UBAC2: variants seen among roughly 807,000 people sequenced by gnomAD.
The protein encoded by UBAC2 is ubiquitin-associated domain-containing protein 2.
A neutral mutation model predicts 44.0 loss-of-function variants in UBAC2; 26 were observed. That is an observed-to-expected ratio of 0.59 (90% CI 0.43 to 0.82). UBAC2 has a LOEUF of 0.82. Ranked by LOEUF, UBAC2 falls within the 40% of genes least tolerant of loss-of-function variation. UBAC2 has a pLI of 0.00. For missense variants in UBAC2, 329 were observed against 419.4 expected, an observed-to-expected ratio of 0.78 and a Z score of 1.88; for synonymous variants, 155 against 154.3, an observed-to-expected ratio of 1.00 and a Z score of -0.04.
chr13:99,381,495 G>A (rs531775847), intron 8 of UBAC2, among the ~76,000 whole-genome samples: 10 of 152,294 alleles, frequency 6.6e-5, no homozygotes, highest in African/African-American at 2.4e-4. Flanking sequence ...TTTCCAAGCC[G>A]TTTAAATAAA....
chr13:99,254,627 TGTGTC>T lies in UBAC2; in HGVS notation c.389+10005_389+10009del, dbSNP rs1315839378. On this transcript the variant is annotated intron_variant, in intron 4 of 8. Coordinates refer to ENST00000403766, the MANE Select transcript of UBAC2 (RefSeq NM_001144072.2). ...CCCCTACTGACTTGATTAACACACA[TGTGTC>T]GCTTGCACATAGAAATGCAAAAAGT... The T allele has an allele frequency of 1.1e-5, 4 of 365,132 alleles. No individual in the cohort carries two copies. The Admixed American group carries it at 1.3e-4, about 12-fold the overall frequency. The allele number at this position is 365,132 out of a possible 1,614,324, so 22.6% of individuals were successfully genotyped here. A position where few individuals can be genotyped will look rare whatever the true frequency, so the allele number is the denominator to read the frequency against.
In UBAC2 at chr13:99,355,919, C is replaced by T. The variant is rs73570130; in HGVS notation, c.808-11868C>T. ...GAGTCCCTTCCCTGCACCTCCAGGG[C>T]CTCCCCAGATGGAACTGGCTGGGAG... is the stretch of plus-strand genomic sequence containing the variant. On this transcript the variant is annotated intron_variant, in intron 7 of 8. Coordinates refer to ENST00000403766, the MANE Select transcript of UBAC2 (RefSeq NM_001144072.2). Among the ~76,000 whole-genome samples, 1,517 of 152,352 alleles carry T rather than the reference C, an allele frequency of 1.0e-2. 28 individuals carry two copies. Among genetic ancestry groups the T allele is most frequent in the African/African-American group, 0.035 (1,472 of 41,576 alleles).
chr13:99,306,405 G>C (rs1029363925), intron 4 of UBAC2, among the ~76,000 whole-genome samples: 7 of 145,478 alleles, frequency 4.8e-5, no homozygotes, highest in African/African-American at 1.1e-4. Context: ...ACTTGTGTGT[G>C]GGGGGGCCAC....
chr13:99,235,697 G>A (rs548302774), intron 1 of UBAC2, among the ~76,000 whole-genome samples: 4 of 152,258 alleles, frequency 2.6e-5, no homozygotes, highest in Admixed American at 1.3e-4. Flanking sequence ...TGCTGGGGCC[G>A]GGTGCAGTGG....
intron 1 of UBAC2, among the ~76,000 whole-genome samples, chr13:99,212,413 A>C (rs1180257403): frequency 6.6e-6 from 1 of 152,190 alleles, no homozygotes; most frequent in Non-Finnish European, 1.5e-5. Context: ...TCTAAGTTAC[A>C]TTGCCATTGT....
At chr13:99,311,847 C>T (rs2044414865) in intron 4 of UBAC2, among the ~76,000 whole-genome samples, 1 of 152,230 alleles carries the variant, frequency 6.6e-6, no homozygotes, top group African/African-American at 2.4e-5. Context: ...GGTGCTCAGC[C>T]TGGGAAGAAG....
At position 99,340,416 on chromosome 13, in the gene UBAC2, C is replaced by A. The variant is rs780511373; in HGVS notation, c.658C>A (p.Pro220Thr). The change falls in exon 7 of 9, where the codon CCC becomes ACC. Residue 220 changes from proline (P) to threonine (T), a missense_variant. By Grantham distance (38) the Pro-to-Thr change is conservative (BLOSUM62 -1). Transcript: ENST00000403766. ...MAKFFSWTLE[P>T]IFSSSEPTSE... ...AAAATTCTTTTCTTGGACACTTGAA[C>A]CCATCTTCTCTTCTTCAGAACCCAC... is the stretch of plus-strand genomic sequence containing the variant. 1.2e-6 allele frequency: 2 copies of A among 1,614,184 alleles called. No individual in the cohort carries two copies. The highest frequency in any genetic ancestry group is 2.2e-5 in the South Asian group (2 of 91,086).
chr13:99,223,540 C>CTTTTTTTTTT (rs1217614346), intron 1 of UBAC2, among the ~76,000 whole-genome samples: 1 of 34,916 alleles, frequency 2.9e-5, no homozygotes, highest in Admixed American at 3.1e-4. Flanking sequence ...TTCTCTTTTT[C>CTTTTTTTTTT]TGTTTTTTTT....
At chr13:99,302,983 T>C (rs150223201) in intron 4 of UBAC2, among the ~76,000 whole-genome samples, 1 of 144,276 alleles carries the variant, frequency 6.9e-6, no homozygotes, top group Non-Finnish European at 1.5e-5. Flanking sequence ...TAGAGTTGAC[T>C]GTGGTCCGTC....
At chr13:99,303,320 T>C (rs1046407224) in intron 4 of UBAC2, among the ~76,000 whole-genome samples, 1 of 152,254 alleles carries the variant, frequency 6.6e-6, no homozygotes, top group South Asian at 2.1e-4. Context: ...TTCGGCTTCA[T>C]AGACGCGCTC....
intron 4 of UBAC2, among the ~76,000 whole-genome samples, chr13:99,279,882 C>A (rs2043930487): frequency 6.6e-6 from 1 of 152,182 alleles, no homozygotes; most frequent in African/African-American, 2.4e-5. Flanking sequence ...GAGCATCACA[C>A]TGGGGGTTAG....
chr13:99,334,802 A>C (rs1365814932), intron 6 of UBAC2, among the ~76,000 whole-genome samples: 1 of 152,242 alleles, frequency 6.6e-6, no homozygotes, highest in Non-Finnish European at 1.5e-5. Context: ...AGTATGAATA[A>C]TAGCTAAACA....
At chr13:99,380,227 T>C (rs2045533323) in intron 8 of UBAC2, among the ~76,000 whole-genome samples, 1 of 152,236 alleles carries the variant, frequency 6.6e-6, no homozygotes, top group Non-Finnish European at 1.5e-5. Context: ...AGATTAGGAA[T>C]GCTTAACGTG....
intron 4 of UBAC2, among the ~76,000 whole-genome samples, chr13:99,281,537 C>T (rs1038678028): frequency 6.6e-6 from 1 of 152,160 alleles, no homozygotes; most frequent in Non-Finnish European, 1.5e-5. Context: ...GCCACTTTCT[C>T]TCCTTAGAAC....
chr13:99,252,085 C>T (rs569548110), intron 4 of UBAC2, among the ~76,000 whole-genome samples: 3 of 152,342 alleles, frequency 2.0e-5, no homozygotes, highest in Non-Finnish European at 2.9e-5. Context: ...CAGAGTCCTC[C>T]TCATCTGACC....
intron 1 of UBAC2, among the ~76,000 whole-genome samples, chr13:99,203,381 T>C (rs901765237): frequency 1.3e-5 from 2 of 152,146 alleles, no homozygotes; most frequent in Non-Finnish European, 2.9e-5. Context: ...AAAATTCTGA[T>C]CCTGAGCAAG....
chr13:99,293,570 G>T (rs1318784555), intron 4 of UBAC2, among the ~76,000 whole-genome samples: 2 of 152,204 alleles, frequency 1.3e-5, no homozygotes. Context: ...TAGAGGTGGA[G>T]TGAAGGAAAG....
At chr13:99,242,468 A>C (rs1244570196) in intron 2 of UBAC2, among the ~76,000 whole-genome samples, 2 of 92,192 alleles carry the variant, frequency 2.2e-5, no homozygotes, top group South Asian at 3.6e-4. Flanking sequence ...TGACCCCCCC[A>C]CCTCCCTCCC....
At chr13:99,297,043 G>C (rs900071327) in intron 4 of UBAC2, among the ~76,000 whole-genome samples, 1 of 152,094 alleles carries the variant, frequency 6.6e-6, no homozygotes, top group Non-Finnish European at 1.5e-5. Flanking sequence ...ATAAACATTT[G>C]ATAGATATTC....
Sources: gnomAD v4.1 joint callset for allele counts (sites outside exome capture counted in the v4.1 genomes callset) on GRCh38, gnomAD v4.1.1 for gene constraint, MANE v1.5 for transcripts, NCBI Gene and HGNC (gene_info 2026-07-23, HGNC 2026-07-21) for gene names.